Variants in LEMD1 observed in about 807,000 individuals in gnomAD.
LEMD1 encodes LEM domain-containing protein 1.
A neutral mutation model predicts 17.4 loss-of-function variants in LEMD1; 18 were observed. The observed-to-expected ratio is 1.04, with a 90% CI of 0.72 to 1.54. LEMD1 has a LOEUF of 1.54. LEMD1 is among the 40% of genes most tolerant of loss of function. The pLI, the probability that LEMD1 is intolerant of heterozygous loss-of-function variation, is 0.00. For missense variants in LEMD1, 195 were observed against 210.4 expected, an observed-to-expected ratio of 0.93 and a Z score of 0.45; for synonymous variants, 88 against 77.8, an observed-to-expected ratio of 1.13 and a Z score of -0.69.
intron 1 of LEMD1, chr1:205,436,148 G>A (rs61824983): frequency 2.0e-5 from 3 of 152,400 alleles, no homozygotes; most frequent in Non-Finnish European, 4.4e-5. Context: ...ACACGGGAAT[G>A]AGCTGAAGGA....
chr1:205,382,119 TG>T, intron 5 of LEMD1: 2 of 454,840 alleles, frequency 4.4e-6, no homozygotes. Flanking sequence ...CTCCCACGTC[TG>T]CCTCTCGAGT....
chr1:205,435,531 G>C (rs951939551), intron 1 of LEMD1: 2 of 152,224 alleles, frequency 1.3e-5, no homozygotes, highest in Non-Finnish European at 2.9e-5. Context: ...CGGTTCTTTG[G>C]TGGAGGGACA....
chr1:205,381,844 T>C lies in LEMD1; in HGVS notation c.360A>G (p.Arg120=). 1 of 1,614,148 alleles carries C rather than the reference T, an allele frequency of 6.2e-7. No homozygotes were observed. Among genetic ancestry groups the C allele is most frequent in the Non-Finnish European group, 8.5e-7 (1 of 1,180,034 alleles). ...KPSKGRRWAA[R]APSTRITYGT... is the part of the protein sequence containing the mutation. Reference sequence around the variant, plus strand: ...CATATGTGATTCTGGTGCTTGGTGCTCTTGCAGCCCACCTGTGAAAACATC... The same window carrying C: ...CATATGTGATTCTGGTGCTTGGTGCCCTTGCAGCCCACCTGTGAAAACATC... The change falls in exon 6 of 6, where the codon AGA becomes AGG. Residue 120 remains arginine (R), a synonymous_variant. Transcript: ENST00000367153.
chr1:205,398,219 T>G (rs1664679456), intron 4 of LEMD1, among the ~76,000 whole-genome samples: 1 of 152,234 alleles, frequency 6.6e-6, no homozygotes, highest in African/African-American at 2.4e-5. Context: ...TGACCCAACT[T>G]GAATATACAA....
intron 4 of LEMD1, among the ~76,000 whole-genome samples, chr1:205,392,144 T>C (rs1664373767): frequency 6.6e-6 from 1 of 151,678 alleles, no homozygotes; most frequent in Non-Finnish European, 1.5e-5. Flanking sequence ...ATCCAGGGTC[T>C]CCTGAGGGGA....
At chr1:205,392,455 T>C (rs1295021724) in intron 4 of LEMD1, among the ~76,000 whole-genome samples, 2 of 151,072 alleles carry the variant, frequency 1.3e-5, no homozygotes, top group Non-Finnish European at 3.0e-5. Context: ...GGCAGGAGGA[T>C]CGTTTGAGCC....
intron 4 of LEMD1, among the ~76,000 whole-genome samples, chr1:205,412,617 C>A (rs1164835070): frequency 6.6e-6 from 1 of 152,164 alleles, no homozygotes; most frequent in Admixed American, 6.5e-5. Context: ...ACAAGTGTCT[C>A]AATAAATACA....
At chr1:205,395,260 C>T (rs1314611039) in intron 4 of LEMD1, among the ~76,000 whole-genome samples, 4 of 152,092 alleles carry the variant, frequency 2.6e-5, no homozygotes, top group Non-Finnish European at 5.9e-5. Flanking sequence ...AACATGACCA[C>T]GTAAGAATTC....
At position 205,441,215 on chromosome 1, in the gene LEMD1, G is replaced by A. The variant is rs1021254149; in HGVS notation, c.-39+8653C>T. Among the ~76,000 whole-genome samples, 6 of 152,170 alleles carry A rather than the reference G, an allele frequency of 3.9e-5. No homozygotes were observed. Among genetic ancestry groups the A allele is most frequent in the African/African-American group, 1.4e-4 (6 of 41,426 alleles). On this transcript the variant is annotated intron_variant, in intron 1 of 3. Transcript: ENST00000367154. The surrounding 1 kb of genome is among the most constrained non-coding windows in gnomAD (Gnocchi z 4.3). Reference sequence around the variant, plus strand: ...TAGGTCTCTCACACCGGCTGGGGGAGGAGTCAAGCCTCTAAACAACAGCTC... The same window carrying A: ...TAGGTCTCTCACACCGGCTGGGGGAAGAGTCAAGCCTCTAAACAACAGCTC...
intron 4 of LEMD1, among the ~76,000 whole-genome samples, chr1:205,400,466 C>T (rs543438958): frequency 3.9e-5 from 6 of 152,294 alleles, no homozygotes; most frequent in South Asian, 4.2e-4. Flanking sequence ...AAGAGCACAG[C>T]GCCATTTCTA....
At chr1:205,422,947 G>T (rs1666001581), upstream of LEMD1, among the ~76,000 whole-genome samples, 1 of 152,164 alleles carries the variant, frequency 6.6e-6, no homozygotes, top group African/African-American at 2.4e-5. Flanking sequence ...AATGGTACCT[G>T]TATCAAAGGG....
At chr1:205,439,881 G>A (rs943871836) in intron 1 of LEMD1, among the ~76,000 whole-genome samples, 6 of 151,818 alleles carry the variant, frequency 4.0e-5, no homozygotes, top group Admixed American at 6.6e-5. Flanking sequence ...AAAGAGGGAA[G>A]GAAATGCTTT....
At chr1:205,415,782 C>G (rs911748713) in intron 4 of LEMD1, among the ~76,000 whole-genome samples, 1 of 152,142 alleles carries the variant, frequency 6.6e-6, no homozygotes, top group African/African-American at 2.4e-5. Flanking sequence ...AGGCCTCACC[C>G]CAAAACCTGT....
At chr1:205,415,950 G>A (rs1350098096) in intron 4 of LEMD1, among the ~76,000 whole-genome samples, 1 of 152,162 alleles carries the variant, frequency 6.6e-6, no homozygotes, top group Admixed American at 6.5e-5. Context: ...GTAGACAACA[G>A]ATAGTGAAAA....
At chr1:205,443,693 CAGGGTCTCTAAA>C (rs1396457827) in intron 1 of LEMD1, among the ~76,000 whole-genome samples, 1 of 152,232 alleles carries the variant, frequency 6.6e-6, no homozygotes, top group East Asian at 1.9e-4. Flanking sequence ...TCTTCTCTAA[CAGGGTCTCTAAA>C]AGGGTCCTCA....
At chr1:205,409,132 C>T (rs1020415123) in intron 4 of LEMD1, among the ~76,000 whole-genome samples, 1 of 152,306 alleles carries the variant, frequency 6.6e-6, no homozygotes, top group Non-Finnish European at 1.5e-5. Flanking sequence ...AGCCACCAAG[C>T]CTGGCCGGCA....
intron 1 of LEMD1, among the ~76,000 whole-genome samples, chr1:205,447,264 C>T (rs1666408084): frequency 6.6e-6 from 1 of 152,194 alleles, no homozygotes; most frequent in Admixed American, 6.5e-5. Flanking sequence ...AATAGGCTAA[C>T]AGTAGACAGG....
rs899681717 is a variant in LEMD1, at chr1:205,384,309, T to C, written c.326A>G (p.Tyr109Cys). 4.0e-6 allele frequency: 6 copies of C among 1,518,686 alleles called. No homozygotes were observed. The African/African-American group carries it at 7.0e-5, about 18-fold the overall frequency. The allele number at this position is 1,518,686 out of a possible 1,614,324, so 94.1% of individuals were successfully genotyped here. ...TTACCTTCTTCCCTTGGAAGGCTTA[T>C]AATCCAAGCAATAGGTATCTACAGC... The part of the protein sequence containing the change: ...RKAVDTYCLD[Y>C]KPSKGRRWAA... The change falls in exon 5 of 6, where the codon TAT (tyrosine) becomes TGT (cysteine). Residue 109 changes from tyrosine (Y) to cysteine (C), a missense_variant. Physicochemically the swap from Tyr to Cys is radical, Grantham distance 194. Coordinates refer to ENST00000367153, the MANE Select transcript of LEMD1 (RefSeq NM_001199050.2).
upstream of LEMD1, among the ~76,000 whole-genome samples, chr1:205,426,418 T>G (rs1666055712): frequency 6.6e-6 from 1 of 152,160 alleles, no homozygotes; most frequent in East Asian, 1.9e-4. Context: ...AAGTTCATAA[T>G]CAAATACCAA....
Sources: allele counts gnomAD v4.1 joint callset (sites outside exome capture counted in the v4.1 genomes callset), GRCh38; gene constraint gnomAD v4.1.1; non-coding constraint Gnocchi (gnomAD v3.1); transcripts MANE v1.5; gene names NCBI Gene and HGNC (gene_info 2026-07-23, HGNC 2026-07-21).